The following CCDC88A variants were observed in gnomAD, a reference collection of about 807,000 sequenced individuals.
CCDC88A encodes the protein coiled-coil and HOOK domain protein 88A, also known as girdin.
A neutral mutation model predicts 234.3 loss-of-function variants in CCDC88A; 54 were observed. The ratio of observed to expected loss-of-function variants is 0.23; its 90% CI spans 0.19 to 0.29. The LOEUF is 0.29. CCDC88A is among the 10% of genes least tolerant of loss of function. The probability of loss-of-function intolerance (pLI) is 1.00; values close to 1 mark genes in which losing one functional copy is unlikely to be tolerated. For missense variants in CCDC88A, 1,832 were observed against 2,123.4 expected (o/e 0.86, Z 2.70); for synonymous variants, 753 against 737.8 (o/e 1.02, Z -0.33).
At chr2:55,372,725 T>C (rs950431615) in intron 4 of CCDC88A, among the ~76,000 whole-genome samples, 17 of 152,204 alleles carry the variant, frequency 1.1e-4, no homozygotes, top group South Asian at 6.2e-4. Context: ...GAAGGGCTAA[T>C]GGATAAAGAG....
chr2:55,330,407 A>C (rs1317815196), intron 16 of CCDC88A, among the ~76,000 whole-genome samples: 1 of 152,042 alleles, frequency 6.6e-6, no homozygotes, highest in Non-Finnish European at 1.5e-5. Flanking sequence ...TCGGAGGCGG[A>C]GGTTGCAGTG....
chr2:55,401,337 G>C (rs1678585751), intron 2 of CCDC88A, among the ~76,000 whole-genome samples: 1 of 149,554 alleles, frequency 6.7e-6, no homozygotes, highest in Non-Finnish European at 1.5e-5. Flanking sequence ...AGGAGGCTAA[G>C]ACAGGAGGAT....
chr2:55,376,843 T>C (rs1167028782), intron 3 of CCDC88A, among the ~76,000 whole-genome samples: 1 of 152,208 alleles, frequency 6.6e-6, no homozygotes, highest in Non-Finnish European at 1.5e-5. Context: ...CATTCAATTT[T>C]TTTTTTGAGA....
At chr2:55,394,337 G>A (rs1169487395) in intron 2 of CCDC88A, 1 of 152,096 alleles carries the variant, frequency 6.6e-6, no homozygotes, top group South Asian at 2.1e-4. Flanking sequence ...ATCATTGTTG[G>A]ACATTTGGGT....
chr2:55,302,551 A>G (rs1681018518), intron 26 of CCDC88A: 1 of 163,492 alleles, frequency 6.1e-6, no homozygotes, highest in African/African-American at 2.4e-5. Context: ...AACCTGAAAG[A>G]GATGATATCT....
At position 55,418,930 on chromosome 2, in the gene CCDC88A, A is replaced by T; in HGVS notation, c.64-14T>A. On this transcript the variant is annotated splice_polypyrimidine_tract_variant and intron_variant, in intron 1 of 32. Coordinates refer to ENST00000436346, the MANE Select transcript of CCDC88A (RefSeq NM_001365480.1). ...AAACGTTTTAACCTAGAACAAACAG[A>T]AGGATCACCACGACATGAACGCCCA... The T allele has an allele frequency of 6.2e-7, 1 of 1,610,746 alleles. No individual in the cohort carries two copies. Among genetic ancestry groups the T allele is most frequent in the Non-Finnish European group, 8.5e-7 (1 of 1,176,948 alleles).
Position 55,328,537 on chromosome 2 carries a change from A to G in CCDC88A, c.2856-102T>C, listed in dbSNP as rs1352771637. ...TATTCATGCCATAAATGGGTCTTAT[A>G]AAAGCATTTTTGTTAAAGAGGCAAA... is the stretch of plus-strand genomic sequence containing the variant. On this transcript the variant is annotated intron_variant, in intron 16 of 32. Coordinates refer to ENST00000436346, the MANE Select transcript of CCDC88A (RefSeq NM_001365480.1). This position sits in a 1 kb window ranked among gnomAD's most constrained non-coding sequence, Gnocchi z 4.3. The G allele has an allele frequency of 2.6e-6, 2 of 777,490 alleles. No individual in the cohort carries two copies. The highest frequency in any genetic ancestry group is 3.8e-6 in the Non-Finnish European group (2 of 525,678). The allele number at this position is 777,490 out of a possible 1,614,324, so 48.2% of individuals were successfully genotyped here. A position where few individuals can be genotyped will look rare whatever the true frequency, so the allele number is the denominator to read the frequency against.
At chr2:55,375,635 C>T (rs1673554217) in intron 3 of CCDC88A, among the ~76,000 whole-genome samples, 1 of 151,100 alleles carries the variant, frequency 6.6e-6, no homozygotes, top group Admixed American at 6.6e-5. Context: ...TCAAGCAATC[C>T]TCCCGCCTCA....
Position 55,315,908 on chromosome 2 carries a change from A to G in CCDC88A, c.3933+20T>C. ...TGGTGCCTAAATGAAGGACACAGTG[A>G]TTAAACTTTTTAAGCTCACCTCACA... On this transcript the variant is annotated intron_variant, in intron 22 of 32. Transcript: ENST00000436346. 7.0e-7 allele frequency: 1 copy of G among 1,424,804 alleles called. No homozygotes were observed. Among genetic ancestry groups the G allele is most frequent in the African/African-American group, 1.5e-5 (1 of 68,704 alleles). The allele number at this position is 1,424,804 out of a possible 1,614,324, so 88.3% of individuals were successfully genotyped here. A position where few individuals can be genotyped will look rare whatever the true frequency, so the allele number is the denominator to read the frequency against.
intron 30 of CCDC88A, 75 bp from the exon 31 acceptor site, chr2:55,296,131 G>T: frequency 2.3e-6 from 3 of 1,328,168 alleles, no homozygotes; most frequent in Non-Finnish European, 3.1e-6. Context: ...AGCAGACTGT[G>T]CAATATAAAA....
chr2:55,298,796 G>A (rs1310705265), intron 29 of CCDC88A, among the ~76,000 whole-genome samples: 1 of 149,912 alleles, frequency 6.7e-6, no homozygotes, highest in Non-Finnish European at 1.5e-5. Context: ...GATCGCTTGA[G>A]TCTGGGAGGC....
At chr2:55,363,042 G>A (rs1441409187) in intron 6 of CCDC88A, among the ~76,000 whole-genome samples, 1 of 151,890 alleles carries the variant, frequency 6.6e-6, no homozygotes, top group East Asian at 1.9e-4. Flanking sequence ...CACTTCCAAG[G>A]ATGGTGGCAA....
chr2:55,399,917 G>A (rs1402911748), intron 2 of CCDC88A: 2 of 152,130 alleles, frequency 1.3e-5, no homozygotes. Flanking sequence ...TCCTGTGTGT[G>A]TGTGTTTTTA....
At chr2:55,318,036 A>C (rs894781339) in intron 19 of CCDC88A, among the ~76,000 whole-genome samples, 195 bp from the exon 20 acceptor site, 1 of 152,136 alleles carries the variant, frequency 6.6e-6, no homozygotes, top group Non-Finnish European at 1.5e-5. Flanking sequence ...GGAAGTGTAT[A>C]TATACATATG....
At chr2:55,297,656 C>T (rs895685112) in intron 29 of CCDC88A, among the ~76,000 whole-genome samples, 3 of 151,254 alleles carry the variant, frequency 2.0e-5, no homozygotes, top group Non-Finnish European at 2.9e-5. Flanking sequence ...GGTGATCTGC[C>T]CACCTCGGCC....
intron 18 of CCDC88A, among the ~76,000 whole-genome samples, chr2:55,319,646 C>T (rs1168395028): frequency 6.6e-6 from 1 of 152,050 alleles, no homozygotes; most frequent in Non-Finnish European, 1.5e-5. Context: ...GGAGCATTTC[C>T]AAACAAAACA....
intron 17 of CCDC88A, among the ~76,000 whole-genome samples, chr2:55,326,860 C>T (rs1262806701): frequency 6.6e-6 from 1 of 152,156 alleles, no homozygotes; most frequent in South Asian, 2.1e-4. Context: ...CGTGAGCCAC[C>T]GCACCCAGCC....
In CCDC88A at chr2:55,347,606, C is replaced by CTTTTTTTT. The variant is rs547733323; in HGVS notation, c.883-1281_883-1274dup. Among the ~76,000 whole-genome samples the CTTTTTTTT allele has an allele frequency of 3.4e-4, 35 of 102,138 alleles. 2 individuals carry two copies. The highest frequency in any genetic ancestry group is 9.1e-4 in the African/African-American group (23 of 25,346). 67.0% of individuals were successfully genotyped at this position (102,138 alleles called of 152,430 possible). On this transcript the variant is annotated intron_variant, in intron 9 of 32. Transcript: ENST00000436346. The stretch of plus-strand genomic sequence containing the variant: ...ATACCTATGTTATCTATTCATCTAC[C>CTTTTTTTT]TTTTTTTTTTTTTTTTTTTTGAGAC...
At position 55,343,769 on chromosome 2, in the gene CCDC88A, C is replaced by T; in HGVS notation, c.1212G>A (p.Lys404=). Residue 404 remains lysine, a synonymous_variant, in exon 12 of 33, where the codon AAG becomes AAA. Coordinates refer to ENST00000436346, the MANE Select transcript of CCDC88A (RefSeq NM_001365480.1). The stretch of plus-strand genomic sequence containing the variant: ...TATTTTCTTCCATTAATTCTTCAAT[C>T]TTTTTTCTATCCATATCTCGTTCCT... ...MEMERDMDRK[K]IEELMEENMT... is the part of the protein sequence containing the mutation. The T allele has an allele frequency of 1.2e-6, 2 of 1,610,528 alleles. No homozygotes were observed. The highest frequency in any genetic ancestry group is 1.7e-6 in the Non-Finnish European group (2 of 1,177,968).
Sources: gnomAD v4.1 joint callset for allele counts (sites outside exome capture counted in the v4.1 genomes callset) on GRCh38, gnomAD v4.1.1 for gene constraint, Gnocchi (gnomAD v3.1) non-coding constraint, MANE v1.5 for transcripts, NCBI Gene and HGNC (gene_info 2026-07-23, HGNC 2026-07-21) for gene names.